The following SCRN2 variants were observed in gnomAD, a reference collection of about 807,000 sequenced individuals.
The protein encoded by SCRN2 is secernin-2.
SCRN2 carries 30 observed loss-of-function variants against 40.1 expected under a neutral mutation model. The observed-to-expected ratio is 0.75, with a 90% CI of 0.56 to 1.01. SCRN2 has a LOEUF of 1.01. Ranked by LOEUF, SCRN2 falls within the 50% of genes least tolerant of loss-of-function variation. The pLI is 0.00. For missense variants in SCRN2, 526 were observed against 564.9 expected, an observed-to-expected ratio of 0.93 and a Z score of 0.70; for synonymous variants, 240 against 233.5, an observed-to-expected ratio of 1.03 and a Z score of -0.25.
At chr17:47,841,065 C>G (rs974049846) in intron 1 of SCRN2, 143 bp downstream of exon 1, 1 of 420,426 alleles carries the variant, frequency 2.4e-6, no homozygotes, top group Non-Finnish European at 4.2e-6. Flanking sequence ...CCCGCCCCCA[C>G]TGGGAGTCCC....
Position 47,837,891 on chromosome 17 carries a change from TG to T in SCRN2, c.1230del (p.Ser411AlafsTer7), listed in dbSNP as rs2033722683. The T allele has an allele frequency of 6.2e-7, 1 of 1,603,946 alleles. No homozygotes were observed. Among genetic ancestry groups the T allele is most frequent in the Non-Finnish European group, 8.5e-7 (1 of 1,179,652 alleles). ...GEWAPPLWELGSLFQAFVKRE... is the reference protein window; with the variant it reads ...GEWAPPLWELXSLFQAFVKRE... ...CTCTTCACGAAGGCCTGGAAGAGGC[TG>T]CCCAGCTCCCAGAGGGGTGGGGCCC... On this transcript the variant is annotated frameshift_variant, in exon 8 of 8. Transcript: ENST00000290216. LOFTEE classifies it high-confidence loss of function.
Position 47,839,014 on chromosome 17 carries a change from G to A in SCRN2, c.557-8C>T, listed in dbSNP as rs368730777. On this transcript the variant is annotated splice_polypyrimidine_tract_variant and splice_region_variant and intron_variant, in intron 4 of 7. Coordinates refer to ENST00000290216, the MANE Select transcript of SCRN2 (RefSeq NM_138355.4). ...AGATGTTGCGGGCCCCCTCTGTGGA[G>A]GAGATCGGGGAGTGGTTCATTTACC... is the stretch of plus-strand genomic sequence containing the variant. 6 of 1,612,844 alleles carry A rather than the reference G, an allele frequency of 3.7e-6. No individual in the cohort carries two copies. In the African/African-American group the frequency reaches 8.0e-5, roughly 21 times the overall value.
Position 47,838,548 on chromosome 17 carries a change from G to A in SCRN2, c.921C>T (p.Ala307=), listed in dbSNP as rs1433205695. ...CTTCCCACCTGGATGGGTCTGGCGT[G>A]GCGGTAAGAAAGTGCACGCAGGGCT... ...PTQPCVHFLT[A]TPDPSRSVFK... is the part of the protein sequence containing the mutation. Residue 307 remains alanine, a synonymous_variant, in exon 6 of 8, where the codon GCC becomes GCT. Coordinates refer to ENST00000290216, the MANE Select transcript of SCRN2 (RefSeq NM_138355.4). 1.2e-6 allele frequency: 2 copies of A among 1,613,982 alleles called. No homozygotes were observed. The highest frequency in any genetic ancestry group is 1.7e-6 in the Non-Finnish European group (2 of 1,180,034).
Position 47,838,645 on chromosome 17 carries a change from CCA to C in SCRN2, c.822_823del (p.Ser274ArgfsTer197). ...AAAGCCTCCCGAGTCCATACAGATA[CCA>C]CTCTCCTTGTCTCTGAGGATGCCCA... is the stretch of plus-strand genomic sequence containing the variant. On this transcript the variant is annotated frameshift_variant, in exon 6 of 8. Transcript: ENST00000290216. LOFTEE classifies it high-confidence loss of function. The C allele has an allele frequency of 6.2e-7, 1 of 1,614,104 alleles. No homozygotes were observed. The highest frequency in any genetic ancestry group is 1.1e-5 in the South Asian group (1 of 91,090).
In SCRN2 at chr17:47,839,466, G is replaced by C. The variant is rs766263369; in HGVS notation, c.534C>G (p.Leu178=). The change falls in exon 4 of 8, where the codon CTC becomes CTG. Residue 178 remains leucine (L), a synonymous_variant. Coordinates refer to ENST00000290216, the MANE Select transcript of SCRN2 (RefSeq NM_138355.4). The stretch of plus-strand genomic sequence containing the variant: ...CACCCTGGATCCTCTGTGCAGCCCA[G>C]AGCCTCCCAGCTGTCTCCAGCACCC... The part of the protein sequence containing the change: ...EAWVLETAGR[L]WAAQRIQEGA... 20 of 1,612,924 alleles carry C rather than the reference G, an allele frequency of 1.2e-5. No individual in the cohort carries two copies. In the South Asian group the frequency reaches 2.2e-4, roughly 18 times the overall value.
intron 1 of SCRN2, 137 bp downstream of exon 1, chr17:47,841,071 G>C: frequency 2.4e-6 from 1 of 414,934 alleles, no homozygotes; most frequent in Non-Finnish European, 4.3e-6. Flanking sequence ...CCCACTGGGA[G>C]TCCCGGCCCT....
Position 47,838,699 on chromosome 17 carries a change from G to A in SCRN2, c.773-3C>T. On this transcript the variant is annotated splice_polypyrimidine_tract_variant and splice_region_variant and intron_variant, in intron 5 of 7. Transcript: ENST00000290216. Reference sequence around the variant, plus strand: ...CATCACCTCTGCCGTGATGCCCCCTGCCAAGGAGTAGAGGGGGAAGCTGTG... The same window carrying A: ...CATCACCTCTGCCGTGATGCCCCCTACCAAGGAGTAGAGGGGGAAGCTGTG... The A allele has an allele frequency of 1.2e-6, 2 of 1,613,482 alleles. No homozygotes were observed. The highest frequency in any genetic ancestry group is 1.7e-6 in the Non-Finnish European group (2 of 1,179,718).
intron 4 of SCRN2, 29 bp downstream of exon 4, chr17:47,839,415 C>A (rs370615749): frequency 6.8e-6 from 11 of 1,607,622 alleles, no homozygotes; most frequent in Non-Finnish European, 9.3e-6. Flanking sequence ...CTCCCACTTC[C>A]CAAAGCTGGG....
chr17:47,838,052 C>G, intron 7 of SCRN2, 50 bp from the exon 8 acceptor site: 1 of 1,584,682 alleles, frequency 6.3e-7, no homozygotes, highest in African/African-American at 1.4e-5. Flanking sequence ...GGCTTCCCGC[C>G]AGGTGAAGGG....
Position 47,840,175 on chromosome 17 carries a change from A to G in SCRN2, c.356+16T>C. 1.2e-6 allele frequency: 2 copies of G among 1,601,474 alleles called. No homozygotes were observed. Among genetic ancestry groups the G allele is most frequent in the Non-Finnish European group, 1.7e-6 (2 of 1,172,768 alleles). On this transcript the variant is annotated intron_variant, in intron 3 of 7. Coordinates refer to ENST00000290216, the MANE Select transcript of SCRN2 (RefSeq NM_138355.4). ...TTCTGGTGTGTCAGGCAGATGAGGA[A>G]GGGCAGGGTCTGCACCTGAGTAGGT...
chr17:47,838,001 T>C lies in SCRN2; in HGVS notation c.1121A>G (p.Asp374Gly), dbSNP rs750539970. ...AALGLMERDQ[D>G]RGQQLQQKQQ... ...TTTCTGCTGGAGCTGCTGCCCCCGA[T>C]CCTGCCCCAAGGGAAAGCTGAGATG... The change falls in exon 8 of 8, where the codon GAT becomes GGT. Residue 374 changes from aspartate (D) to glycine (G), a missense_variant and splice_region_variant. Coordinates refer to ENST00000290216, the MANE Select transcript of SCRN2 (RefSeq NM_138355.4). The C allele has an allele frequency of 4.4e-6, 7 of 1,605,522 alleles. No homozygotes were observed. In the African/African-American group the frequency reaches 9.4e-5, roughly 21 times the overall value.
At chr17:47,840,639 AC>A in intron 2 of SCRN2, 30 bp downstream of exon 2, 1 of 1,555,574 alleles carries the variant, frequency 6.4e-7, no homozygotes, top group African/African-American at 1.4e-5. Context: ...GATCTGCCAC[AC>A]CTCCCAGCAC....
rs1332869646 is a variant in SCRN2 at position 47,837,721 on chromosome 17, G to C, written c.*123C>G. The C allele has an allele frequency of 3.3e-6, 4 of 1,207,936 alleles. No individual in the cohort carries two copies. The highest frequency in any genetic ancestry group is 4.4e-6 in the Non-Finnish European group (4 of 903,978). The allele number at this position is 1,207,936 out of a possible 1,614,324, so 74.8% of individuals were successfully genotyped here. On this transcript the variant is annotated 3_prime_UTR_variant, in exon 8 of 8. Transcript: ENST00000290216. ...ATAAAGCACATTTATTAAGGCAAAG[G>C]CCAAGCTGGCCGCTCAGAACATGGC...
Position 47,838,371 on chromosome 17 carries a change from CT to C in SCRN2, c.1017del (p.Asp340ThrfsTer13). ...AATCGGGGCAGGGTCCGAACAGGGTCTTGTGCTCCAAAAGTGGGGGACAGCA... is the reference window on the plus strand; with the variant it reads ...AATCGGGGCAGGGTCCGAACAGGGTCTGTGCTCCAAAAGTGGGGGACAGCA... ...PQVLSPTFGA[Q>X]DPVRTLPRFQ... is the part of the protein sequence containing the mutation. On this transcript the variant is annotated frameshift_variant, in exon 7 of 8. Coordinates refer to ENST00000290216, the MANE Select transcript of SCRN2 (RefSeq NM_138355.4). LOFTEE classifies it high-confidence loss of function. 1 of 1,609,952 alleles carries C rather than the reference CT, an allele frequency of 6.2e-7. No individual in the cohort carries two copies. Among genetic ancestry groups the C allele is most frequent in the East Asian group, 2.2e-5 (1 of 44,794 alleles).
chr17:47,838,190 C>A, intron 7 of SCRN2, 80 bp downstream of exon 7: 2 of 1,557,158 alleles, frequency 1.3e-6, no homozygotes, highest in South Asian at 1.2e-5. Context: ...CTCCCTAGTT[C>A]CTTCATATTT....
chr17:47,838,155 C>CT (rs2033731621), intron 7 of SCRN2, 115 bp downstream of exon 7: 1 of 1,523,218 alleles, frequency 6.6e-7, no homozygotes, highest in Non-Finnish European at 8.8e-7. Flanking sequence ...AGGAACTCCT[C>CT]TCCCCAGCTC....
At chr17:47,838,177 C>A in intron 7 of SCRN2, 93 bp downstream of exon 7, 4 of 1,542,478 alleles carry the variant, frequency 2.6e-6, no homozygotes, top group East Asian at 2.3e-5. Flanking sequence ...GAAATCTCTT[C>A]CACTCCCTAG....
At position 47,837,757 on chromosome 17, in the gene SCRN2, G is replaced by A; in HGVS notation, c.*87C>T. ...CGCTCAGAACATGGCCAAGGAGCGTGAAGGGATTGCTCCACTTTACCACCA... is the reference window on the plus strand; with the variant it reads ...CGCTCAGAACATGGCCAAGGAGCGTAAAGGGATTGCTCCACTTTACCACCA... On this transcript the variant is annotated 3_prime_UTR_variant, in exon 8 of 8. Transcript: ENST00000290216. 6.9e-7 allele frequency: 1 copy of A among 1,449,130 alleles called. No homozygotes were observed. Among genetic ancestry groups the A allele is most frequent in the East Asian group, 2.4e-5 (1 of 40,980 alleles). 89.8% of individuals were successfully genotyped at this position (1,449,130 alleles called of 1,614,324 possible). A position where few individuals can be genotyped will look rare whatever the true frequency, so the allele number is the denominator to read the frequency against.
At chr17:47,839,965 G>A (rs750033604) in intron 3 of SCRN2, 15 of 591,748 alleles carry the variant, frequency 2.5e-5, no homozygotes, top group Non-Finnish European at 4.5e-5. Context: ...CTCTATGTAA[G>A]ATTTCAACTG....
Sources: allele counts gnomAD v4.1 joint callset, GRCh38; gene constraint gnomAD v4.1.1; transcripts MANE v1.5; gene names NCBI Gene and HGNC (gene_info 2026-07-23, HGNC 2026-07-21).